CASD1: variants seen among roughly 807,000 people sequenced by gnomAD.
The protein encoded by CASD1 is CAS1 domain sialic acid O acetyltransferase 1, also known as N-acetylneuraminate (7)9-O-acetyltransferase.
A neutral mutation model predicts 100.0 loss-of-function variants in CASD1; 41 were observed. That is an observed-to-expected ratio of 0.41 (90% CI 0.32 to 0.53). CASD1 has a LOEUF of 0.53. Ranked by LOEUF, CASD1 falls within the 20% of genes least tolerant of loss-of-function variation. The probability of loss-of-function intolerance (pLI) is 0.25; values close to 1 mark genes in which losing one functional copy is unlikely to be tolerated. For synonymous variants in CASD1, 321 were observed against 315.6 expected, an observed-to-expected ratio of 1.02 and a Z score of -0.18; for missense variants, 774 against 948.7, an observed-to-expected ratio of 0.82 and a Z score of 2.42.
the CASD1 span, among the ~76,000 whole-genome samples, chr7:94,601,091 A>G: frequency 1.1e-4 from 17 of 152,168 alleles, no homozygotes; most frequent in Admixed American, 1.0e-3. Flanking sequence ...AAACATATAT[A>G]CATATACATT....
the CASD1 span, chr7:94,599,133 T>C: frequency 1.7e-6 from 1 of 573,000 alleles, no homozygotes; most frequent in Non-Finnish European, 3.1e-6. Flanking sequence ...CACATACTTT[T>C]AATATAACAA....
the CASD1 span, chr7:94,598,994 T>C: frequency 6.5e-7 from 1 of 1,544,066 alleles, no homozygotes. Flanking sequence ...ACAACATATA[T>C]TTAAAATCAT....
At chr7:94,559,308 G>GTGTGTGTGTGTGTGTGTGTGTA (rs1796300930), downstream of CASD1, among the ~76,000 whole-genome samples, 1 of 123,688 alleles carries the variant, frequency 8.1e-6, no homozygotes, top group Non-Finnish European at 1.8e-5. Context: ...GTGTGTGTAT[G>GTGTGTGTGTGTGTGTGTGTGTA]TGTGTGTGTG....
the CASD1 span, among the ~76,000 whole-genome samples, chr7:94,632,657 G>A: frequency 1.3e-5 from 2 of 152,084 alleles, no homozygotes; most frequent in African/African-American, 2.4e-5. Context: ...CTTCCTTTCT[G>A]TAGCATCAGT....
intron 16 of CASD1, chr7:94,554,269 G>T: frequency 2.5e-6 from 1 of 401,910 alleles, no homozygotes; most frequent in South Asian, 4.9e-5. Context: ...ATGTTCATTG[G>T]TATGCAGCAT....
the CASD1 span, among the ~76,000 whole-genome samples, chr7:94,578,309 ACAAT>A: frequency 2.6e-5 from 4 of 152,202 alleles, no homozygotes; most frequent in African/African-American, 9.6e-5. Flanking sequence ...TCCAAACTCC[ACAAT>A]CAAAGTCTAT....
the CASD1 span, among the ~76,000 whole-genome samples, chr7:94,616,361 C>A: frequency 6.6e-6 from 1 of 152,094 alleles, no homozygotes; most frequent in African/African-American, 2.4e-5. Context: ...TTTCTTAAAT[C>A]TGGGACTAAG....
In CASD1 at chr7:94,535,403, T is replaced by C. The variant is rs1795071097; in HGVS notation, c.723T>C (p.Asn241=). 2 of 1,613,472 alleles carry C rather than the reference T, an allele frequency of 1.2e-6. No individual in the cohort carries two copies. The highest frequency in any genetic ancestry group is 1.3e-5 in the African/African-American group (1 of 75,030). The change falls in exon 8 of 18, where the codon AAT becomes AAC. Residue 241 remains asparagine (N), a synonymous_variant. Coordinates refer to ENST00000297273, the MANE Select transcript of CASD1 (RefSeq NM_022900.5). ...AYNEAAVSIL[N]SSTRNSKSNV... is the part of the protein sequence containing the mutation. ...ATGAAGCTGCAGTCAGTATTTTGAA[T>C]AGTAGCACCAGAAATTCTAAATCAA... is the stretch of plus-strand genomic sequence containing the variant.
At chr7:94,521,749 T>C (rs1794287654) in intron 3 of CASD1, among the ~76,000 whole-genome samples, 1 of 152,186 alleles carries the variant, frequency 6.6e-6, no homozygotes, top group Non-Finnish European at 1.5e-5. Flanking sequence ...ATTATCCATA[T>C]ATGAAAAAGC....
intron 1 of CASD1, among the ~76,000 whole-genome samples, chr7:94,516,864 G>A (rs1373393665): frequency 6.6e-6 from 1 of 151,836 alleles, no homozygotes; most frequent in Non-Finnish European, 1.5e-5. Flanking sequence ...AGTTGAATAG[G>A]AAGTCATTTC....
At chr7:94,579,194 C>G in the CASD1 span, among the ~76,000 whole-genome samples, 1 of 146,644 alleles carries the variant, frequency 6.8e-6, no homozygotes, top group Non-Finnish European at 1.5e-5. Flanking sequence ...CCCTGATACT[C>G]AATCCAATAA....
At chr7:94,607,172 C>A in the CASD1 span, among the ~76,000 whole-genome samples, 8 of 152,050 alleles carry the variant, frequency 5.3e-5, no homozygotes, top group South Asian at 2.1e-4. Flanking sequence ...TCTTCTAAAG[C>A]AGAAAGCATC....
chr7:94,544,305 CCAA>C, intron 10 of CASD1, 103 bp from the exon 11 acceptor site: 4 of 1,350,444 alleles, frequency 3.0e-6, no homozygotes, highest in Non-Finnish European at 4.1e-6. Flanking sequence ...TGAGCTGATG[CCAA>C]ATGCTAATAA....
At chr7:94,537,419 T>C in intron 8 of CASD1, 53 bp from the exon 9 acceptor site, 1 of 1,490,356 alleles carries the variant, frequency 6.7e-7, no homozygotes, top group Non-Finnish European at 9.1e-7. Context: ...GAAAATTTAA[T>C]GTGAAATACA....
chr7:94,540,307 A>G (rs1795334088), intron 10 of CASD1, among the ~76,000 whole-genome samples: 1 of 152,206 alleles, frequency 6.6e-6, no homozygotes, highest in Non-Finnish European at 1.5e-5. Context: ...CAGTACGTGC[A>G]TCAATGATAA....
the CASD1 span, chr7:94,625,287 T>TA: frequency 6.6e-6 from 1 of 152,164 alleles, no homozygotes; most frequent in East Asian, 1.9e-4. Flanking sequence ...CTATACCTGT[T>TA]ACTATAAATG....
the CASD1 span, chr7:94,628,670 T>C: frequency 1.5e-5 from 5 of 344,148 alleles, no homozygotes; most frequent in African/African-American, 4.2e-5. Flanking sequence ...TCAGGAGAAT[T>C]CCCTAATCAT....
the CASD1 span, among the ~76,000 whole-genome samples, chr7:94,573,317 C>T: frequency 6.6e-6 from 1 of 152,172 alleles, no homozygotes; most frequent in Non-Finnish European, 1.5e-5. Flanking sequence ...TTGCGTTGGG[C>T]AGTATGCCCA....
At chr7:94,630,408 C>T in the CASD1 span, among the ~76,000 whole-genome samples, 3 of 151,684 alleles carry the variant, frequency 2.0e-5, no homozygotes, top group Admixed American at 6.6e-5. Context: ...ATTCATTCCT[C>T]GCATCTCTTG....
Sources: gnomAD v4.1 joint callset for allele counts (sites outside exome capture counted in the v4.1 genomes callset) on GRCh38, gnomAD v4.1.1 for gene constraint, MANE v1.5 for transcripts, NCBI Gene and HGNC (gene_info 2026-07-23, HGNC 2026-07-21) for gene names.